The following APBB1IP variants were observed in gnomAD, a reference collection of about 807,000 sequenced individuals.
APBB1IP encodes amyloid beta A4 precursor protein-binding family B member 1-interacting protein.
In APBB1IP, 27 loss-of-function variants were observed where a neutral mutation model predicts 64.9. That is an observed-to-expected ratio of 0.42 (90% confidence interval 0.31 to 0.57). The LOEUF is 0.57. Among genes scored for constraint, APBB1IP ranks in the 20% least tolerant of loss-of-function variants. APBB1IP has a pLI of 0.20. For synonymous variants in APBB1IP, 392 were observed against 331.0 expected (o/e 1.18, Z -2.00); for missense variants, 812 against 845.5 (o/e 0.96, Z 0.49).
In APBB1IP at chr10:26,518,499, C is replaced by T. The variant is rs542404512; in HGVS notation, c.813+4839C>T. 4.6e-5 allele frequency among the ~76,000 whole-genome samples: 7 copies of T among 152,310 alleles called. No homozygotes were observed. In the South Asian group the frequency reaches 1.5e-3, roughly 32 times the overall value. On this transcript the variant is annotated intron_variant, in intron 8 of 14. Coordinates refer to ENST00000376236, the MANE Select transcript of APBB1IP (RefSeq NM_019043.4). ...AGTTATAGTAGATACTGCCAAGCAG[C>T]TTTCACACAGATTCTATGACTTAGC...
intron 6 of APBB1IP, among the ~76,000 whole-genome samples, chr10:26,508,797 G>A (rs887260279): frequency 1.2e-4 from 18 of 152,202 alleles, no homozygotes; most frequent in South Asian, 6.2e-4. Context: ...TCATAAGTAC[G>A]TGTAGATTAA....
At chr10:26,532,430 A>T (rs1436924239) in intron 8 of APBB1IP, among the ~76,000 whole-genome samples, 1 of 152,112 alleles carries the variant, frequency 6.6e-6, no homozygotes, top group African/African-American at 2.4e-5. Flanking sequence ...AATACAAACC[A>T]TGCTTAGAGA....
At chr10:26,521,939 T>C (rs1283051859) in intron 8 of APBB1IP, among the ~76,000 whole-genome samples, 2 of 152,006 alleles carry the variant, frequency 1.3e-5, no homozygotes, top group African/African-American at 2.4e-5. Flanking sequence ...TTAGTAGAAA[T>C]GGGGTTTCAC....
chr10:26,525,118 T>TA (rs929127446), intron 8 of APBB1IP, among the ~76,000 whole-genome samples: 6 of 151,352 alleles, frequency 4.0e-5, no homozygotes, highest in African/African-American at 1.2e-4. Context: ...CTCATCTCTA[T>TA]AAAAAAATTA....
intron 4 of APBB1IP, among the ~76,000 whole-genome samples, chr10:26,500,210 CAAAA>C (rs199918930): frequency 1.6e-4 from 14 of 86,374 alleles, no homozygotes; most frequent in Admixed American, 1.6e-3. Context: ...GACTCTGTCT[CAAAA>C]AAAAAAAAAA....
At chr10:26,548,269 G>A (rs1270596428) in intron 11 of APBB1IP, among the ~76,000 whole-genome samples, 1 of 152,002 alleles carries the variant, frequency 6.6e-6, no homozygotes, top group Non-Finnish European at 1.5e-5. Flanking sequence ...CATGTGCCAT[G>A]TTGGTGTGCT....
At chr10:26,550,864 G>A (rs115214139) in intron 11 of APBB1IP, among the ~76,000 whole-genome samples, 2,185 of 152,220 alleles carry the variant, frequency 0.014, 45 homozygotes, top group African/African-American at 0.05. Context: ...GTTTATGACC[G>A]TTCTTTTTTA....
chr10:26,506,285 T>A (rs1317837918), intron 6 of APBB1IP, among the ~76,000 whole-genome samples: 1 of 147,968 alleles, frequency 6.8e-6, no homozygotes, highest in Non-Finnish European at 1.5e-5. Flanking sequence ...TCTTGCTCTG[T>A]CACCCAGGCT....
At chr10:26,500,732 T>C in intron 4 of APBB1IP, 87 bp from the exon 5 acceptor site, 1 of 1,288,490 alleles carries the variant, frequency 7.8e-7, no homozygotes, top group Middle Eastern at 2.0e-4. Context: ...TCCTTTCTAC[T>C]CAAATATTAT....
intron 2 of APBB1IP, among the ~76,000 whole-genome samples, chr10:26,484,775 A>T (rs1466329405): frequency 6.6e-6 from 1 of 152,228 alleles, no homozygotes; most frequent in Non-Finnish European, 1.5e-5. Flanking sequence ...CCTTAATTTA[A>T]TACCATTCTG....
chr10:26,473,522 A>T (rs1369430906), intron 2 of APBB1IP, among the ~76,000 whole-genome samples: 1 of 152,236 alleles, frequency 6.6e-6, no homozygotes, highest in Non-Finnish European at 1.5e-5. Flanking sequence ...TTAAATTAAT[A>T]GTTAAGCAGT....
rs12774996 is a variant in APBB1IP at position 26,495,753 on chromosome 10, C to A, written c.73-551C>A. ...GGTTTGCTTGGCTAAACAGCCCTGCCAACAGGTAGGTTCTCAAGATTGTAG... is the reference window on the plus strand; with the variant it reads ...GGTTTGCTTGGCTAAACAGCCCTGCAAACAGGTAGGTTCTCAAGATTGTAG... On this transcript the variant is annotated intron_variant, in intron 3 of 14. Transcript: ENST00000376236. 2.9e-3 allele frequency among the ~76,000 whole-genome samples: 445 copies of A among 151,256 alleles called. 1 individual carries two copies. Among genetic ancestry groups the A allele is most frequent in the Non-Finnish European group, 4.5e-3 (305 of 67,896 alleles).
intron 2 of APBB1IP, among the ~76,000 whole-genome samples, chr10:26,472,482 A>T (rs946440717): frequency 2.0e-5 from 3 of 152,206 alleles, no homozygotes; most frequent in Admixed American, 1.3e-4. Flanking sequence ...TCCTGCACTG[A>T]TAACCAGGGA....
intron 11 of APBB1IP, among the ~76,000 whole-genome samples, chr10:26,552,722 C>T (rs1376038821): frequency 2.0e-5 from 3 of 152,156 alleles, no homozygotes; most frequent in Admixed American, 2.0e-4. Context: ...ATTTATCCCA[C>T]GCAGTAACTC....
In APBB1IP at chr10:26,562,370, G is replaced by C. The variant is rs771925795; in HGVS notation, c.1414G>C (p.Ala472Pro). The C allele has an allele frequency of 1.2e-6, 2 of 1,613,886 alleles. No individual in the cohort carries two copies. The highest frequency in any genetic ancestry group is 1.7e-6 in the Non-Finnish European group (2 of 1,179,914). ...CCAGCCCAATGGACAGATTCCCCAG[G>C]CTACACATTCTGTCAGTGCTGTTCT... ...TTQPNGQIPQ[A>P]THSVSAVLQE... The change falls in exon 14 of 15, where the codon GCT becomes CCT. Residue 472 changes from alanine (A) to proline (P), a missense_variant. Physicochemically the swap from Ala to Pro is conservative, Grantham distance 27. This residue lies in a region of APBB1IP where 381 missense variants were observed against 352.1 expected (regional missense o/e 1.08). Transcript: ENST00000376236.
At chr10:26,543,125 G>A (rs1399782552) in intron 11 of APBB1IP, among the ~76,000 whole-genome samples, 1 of 151,556 alleles carries the variant, frequency 6.6e-6, no homozygotes, top group Non-Finnish European at 1.5e-5. Context: ...TGAAGGCCGG[G>A]AGAAGGCTGG....
chr10:26,492,836 G>A (rs188093233), intron 3 of APBB1IP, among the ~76,000 whole-genome samples: 28 of 152,298 alleles, frequency 1.8e-4, no homozygotes, highest in East Asian at 9.6e-4. Context: ...TCCATGCCCC[G>A]CTGTGCACGC....
chr10:26,525,424 C>T (rs1258969679), intron 8 of APBB1IP, among the ~76,000 whole-genome samples: 3 of 152,130 alleles, frequency 2.0e-5, no homozygotes, highest in Non-Finnish European at 2.9e-5. Context: ...TCTCTTGTTA[C>T]TCTCTCTCTT....
intron 8 of APBB1IP, among the ~76,000 whole-genome samples, chr10:26,515,093 G>A: frequency 6.7e-6 from 1 of 148,988 alleles, no homozygotes; most frequent in Non-Finnish European, 1.5e-5. Context: ...GTGTTGGCCA[G>A]GGTGATCTTG....
Sources: allele counts gnomAD v4.1 joint callset (sites outside exome capture counted in the v4.1 genomes callset), GRCh38; gene constraint gnomAD v4.1.1; regional missense constraint gnomAD v4.1.1; transcripts MANE v1.5; gene names NCBI Gene and HGNC (gene_info 2026-07-23, HGNC 2026-07-21).